The following KCTD8 variants were observed in gnomAD, a reference collection of about 807,000 sequenced individuals.
KCTD8 encodes potassium channel tetramerization domain containing 8.
In KCTD8, 27 loss-of-function variants were observed where a neutral mutation model predicts 31.5. The ratio of observed to expected loss-of-function variants is 0.86; its 90% confidence interval spans 0.63 to 1.18. KCTD8 has a LOEUF of 1.18. Ranked by LOEUF, KCTD8 falls within the 50% of genes most tolerant of loss-of-function variation. The probability of loss-of-function intolerance (pLI) is 0.00; values close to 1 mark genes in which losing one functional copy is unlikely to be tolerated. For synonymous variants in KCTD8, 290 were observed against 280.0 expected, an observed-to-expected ratio of 1.04 and a Z score of -0.36; for missense variants, 658 against 647.7, an observed-to-expected ratio of 1.02 and a Z score of -0.17.
chr4:44,264,110 A>T (rs1019690580), intron 1 of KCTD8, among the ~76,000 whole-genome samples: 1 of 152,226 alleles, frequency 6.6e-6, no homozygotes, highest in Non-Finnish European at 1.5e-5. Flanking sequence ...TAGATTAATT[A>T]GCAATGAAAA....
intron 1 of KCTD8, among the ~76,000 whole-genome samples, chr4:44,184,501 T>C (rs1713523529): frequency 6.6e-6 from 1 of 152,138 alleles, no homozygotes; most frequent in Admixed American, 6.5e-5. Context: ...CCTTTTTTCA[T>C]CCTGACATGG....
intron 1 of KCTD8, among the ~76,000 whole-genome samples, chr4:44,229,580 G>A (rs538017016): frequency 8.6e-4 from 131 of 152,290 alleles, no homozygotes; most frequent in Non-Finnish European, 1.3e-3. Flanking sequence ...AATGCCAGAG[G>A]TGGGTCAGCC....
intron 1 of KCTD8, among the ~76,000 whole-genome samples, chr4:44,263,597 A>C (rs549949100): frequency 4.6e-5 from 7 of 152,274 alleles, no homozygotes; most frequent in Admixed American, 2.6e-4. Flanking sequence ...AAATACAGGA[A>C]AGAACAGGAA....
chr4:44,189,610 TTCAAACATAGCCACCCA>T (rs1407710808), intron 1 of KCTD8, among the ~76,000 whole-genome samples: 1 of 152,034 alleles, frequency 6.6e-6, no homozygotes, highest in East Asian at 1.9e-4. Flanking sequence ...TCTACAAACA[TTCAAACATAGCCACCCA>T]TCTACCCATT....
chr4:44,194,292 T>G (rs1277608635), intron 1 of KCTD8, among the ~76,000 whole-genome samples: 1 of 152,188 alleles, frequency 6.6e-6, no homozygotes, highest in Non-Finnish European at 1.5e-5. Context: ...AAACCTGATA[T>G]TTCAATAACC....
At chr4:44,249,439 A>T (rs1003697178) in intron 1 of KCTD8, among the ~76,000 whole-genome samples, 1 of 151,804 alleles carries the variant, frequency 6.6e-6, no homozygotes, top group Non-Finnish European at 1.5e-5. Context: ...TATACCAAGC[A>T]TTGGCATTTT....
At chr4:44,285,570 T>C (rs62304829) in intron 1 of KCTD8, among the ~76,000 whole-genome samples, 3 of 152,100 alleles carry the variant, frequency 2.0e-5, no homozygotes, top group African/African-American at 4.8e-5. Flanking sequence ...TGTATACTTA[T>C]GTAACAAAAC....
At chr4:44,332,626 T>C (rs1215101441) in intron 1 of KCTD8, among the ~76,000 whole-genome samples, 1 of 152,106 alleles carries the variant, frequency 6.6e-6, no homozygotes, top group Non-Finnish European at 1.5e-5. Context: ...TCACTTGTTT[T>C]TTACCAGTAA....
At chr4:44,230,767 T>C (rs2109352356) in intron 1 of KCTD8, among the ~76,000 whole-genome samples, 1 of 152,262 alleles carries the variant, frequency 6.6e-6, no homozygotes, top group Non-Finnish European at 1.5e-5. Context: ...ATGGAGTAAT[T>C]CTTGAGCCAA....
intron 1 of KCTD8, among the ~76,000 whole-genome samples, chr4:44,288,550 G>T (rs1168394514): frequency 1.3e-5 from 2 of 151,988 alleles, no homozygotes; most frequent in Non-Finnish European, 2.9e-5. Context: ...GGAAGTAGTA[G>T]ATACTTTGCA....
chr4:44,294,176 G>A (rs547939512), intron 1 of KCTD8, among the ~76,000 whole-genome samples: 1 of 152,240 alleles, frequency 6.6e-6, no homozygotes, highest in Admixed American at 6.5e-5. Flanking sequence ...CAAAGGGGAA[G>A]ATAAACAATC....
chr4:44,201,345 T>A (rs1714143869), intron 1 of KCTD8, among the ~76,000 whole-genome samples: 2 of 151,652 alleles, frequency 1.3e-5, no homozygotes, highest in South Asian at 4.2e-4. Flanking sequence ...AGCCTAAATA[T>A]CCAAAGCAAT....
At chr4:44,239,249 A>C (rs1364830607) in intron 1 of KCTD8, among the ~76,000 whole-genome samples, 1 of 152,118 alleles carries the variant, frequency 6.6e-6, no homozygotes, top group African/African-American at 2.4e-5. Context: ...GTTGTCGTGG[A>C]CTCTGAAGCT....
chr4:44,400,398 T>G (rs987218181), intron 1 of KCTD8, among the ~76,000 whole-genome samples: 1 of 151,062 alleles, frequency 6.6e-6, no homozygotes, highest in East Asian at 1.9e-4. Flanking sequence ...GCAGTTACCA[T>G]GCTCAGACTG....
At chr4:44,266,785 C>A (rs929502704) in intron 1 of KCTD8, among the ~76,000 whole-genome samples, 19 of 152,032 alleles carry the variant, frequency 1.2e-4, no homozygotes, top group Admixed American at 9.2e-4. Context: ...CAAAGATCAA[C>A]AGAGACAAAG....
intron 1 of KCTD8, among the ~76,000 whole-genome samples, chr4:44,189,222 G>A (rs1441202302): frequency 1.3e-5 from 2 of 152,096 alleles, no homozygotes; most frequent in African/African-American, 4.8e-5. Flanking sequence ...TACTTTGTGG[G>A]TATCCCTAAT....
chr4:44,303,814 GA>G (rs202178650), intron 1 of KCTD8, among the ~76,000 whole-genome samples: 6 of 146,082 alleles, frequency 4.1e-5, no homozygotes, highest in Admixed American at 1.4e-4. Flanking sequence ...CCCTGTCTGA[GA>G]AAAAAAAAAT....
At chr4:44,302,918 T>A (rs1717672405) in intron 1 of KCTD8, among the ~76,000 whole-genome samples, 1 of 152,168 alleles carries the variant, frequency 6.6e-6, no homozygotes, top group Non-Finnish European at 1.5e-5. Context: ...CTTGAGAGTT[T>A]TTAGCATGAA....
intron 1 of KCTD8, among the ~76,000 whole-genome samples, chr4:44,355,519 T>A (rs1021698202): frequency 9.9e-5 from 15 of 152,214 alleles, no homozygotes; most frequent in Non-Finnish European, 1.2e-4. Context: ...AATGTAGTTT[T>A]ATGCATAATT....
Sources: allele counts gnomAD v4.1 joint callset (sites outside exome capture counted in the v4.1 genomes callset), GRCh38; gene constraint gnomAD v4.1.1; transcripts MANE v1.5; gene names NCBI Gene and HGNC (gene_info 2026-07-23, HGNC 2026-07-21).